TTN: variants seen among roughly 807,000 people sequenced by gnomAD.
TTN encodes the protein connectin.
Under a neutral mutation model 3,223.0 loss-of-function variants are expected in TTN, and 1,525 were observed. The ratio of observed to expected loss-of-function variants is 0.47; its 90% CI spans 0.45 to 0.49. The LOEUF (loss-of-function observed/expected upper bound fraction) is 0.49. TTN is among the 20% of genes least tolerant of loss of function. The pLI, the probability that TTN is intolerant of heterozygous loss-of-function variation, is 0.00. For missense variants in TTN, 40,786 were observed against 43,424.0 expected (o/e 0.94, Z 5.40); for synonymous variants, 14,094 against 15,161.0 (o/e 0.93, Z 5.17).
Position 178,609,486 on chromosome 2 carries a change from G to T in TTN, c.51824C>A (p.Pro17275His). 1.2e-6 allele frequency: 2 copies of T among 1,612,454 alleles called. No homozygotes were observed. The highest frequency in any genetic ancestry group is 1.7e-6 in the Non-Finnish European group (2 of 1,179,122). ...IALDASISGSPYPTITWIKDE... is the reference protein window; with the variant it reads ...IALDASISGSHYPTITWIKDE... ...CTTTATCCATGTAATAGTTGGGTAA[G>T]GTGATCCAGAAATACTTGCATCAAG... Residue 17275 changes from proline (P) to histidine (H), a missense_variant, in exon 273 of 363, where the codon CCT becomes CAT. Physicochemically the swap from Pro to His is moderately conservative, Grantham distance 77 (BLOSUM62 -2). Coordinates refer to ENST00000589042, the MANE Select transcript of TTN (RefSeq NM_001267550.2).
At chr2:178,733,185 G>C in intron 54 of TTN, 54 bp downstream of exon 54, 7 of 1,555,834 alleles carry the variant, frequency 4.5e-6, no homozygotes, top group Non-Finnish European at 6.1e-6. Flanking sequence ...TTGACTTTAG[G>C]CCATTTGTTG....
chr2:178,559,642 A>G lies in TTN; in HGVS notation c.86490T>C (p.Val28830=). The change falls in exon 326 of 363, where the codon GTT becomes GTC. Residue 28830 remains valine, a synonymous_variant. Transcript: ENST00000589042. Reference sequence around the variant, plus strand: ...CTAAGGTCAGTGAAGCAGCACTCAAAACATTCTGAATTGTTAATGTGTACT... The same window carrying G: ...CTAAGGTCAGTGAAGCAGCACTCAAGACATTCTGAATTGTTAATGTGTACT... The part of the protein sequence containing the change: ...SGKYTLTIQN[V]LSAASLTLVV... 2 of 1,613,738 alleles carry G rather than the reference A, an allele frequency of 1.2e-6. No individual in the cohort carries two copies. The highest frequency in any genetic ancestry group is 1.7e-6 in the Non-Finnish European group (2 of 1,179,766).
chr2:178,584,927 T>C lies in TTN; in HGVS notation c.64714A>G (p.Ile21572Val). 1.9e-6 allele frequency: 3 copies of C among 1,613,254 alleles called. No individual in the cohort carries two copies. The highest frequency in any genetic ancestry group is 2.5e-6 in the Non-Finnish European group (3 of 1,179,526). ...PPQPPFDISD[I>V]DADACSLSWH... ...GACAGGGAGCAAGCATCAGCGTCTA[T>C]ATCAGAAATGTCAAATGGAGGCTGA... is the stretch of plus-strand genomic sequence containing the variant. The change falls in exon 310 of 363, where the codon ATA (isoleucine) becomes GTA (valine). Residue 21572 changes from isoleucine to valine, a missense_variant. Physicochemically the swap from Ile to Val is conservative, Grantham distance 29. Coordinates refer to ENST00000589042, the MANE Select transcript of TTN (RefSeq NM_001267550.2).
At chr2:178,596,493 A>G (rs965784580) in intron 294 of TTN, among the ~76,000 whole-genome samples, 1 of 152,008 alleles carries the variant, frequency 6.6e-6, no homozygotes, top group East Asian at 1.9e-4. Flanking sequence ...TGCAGGGGAA[A>G]CGGAGAGAGA....
intron 77 of TTN, 62 bp from the exon 78 acceptor site, chr2:178,722,196 C>G (rs2078499689): frequency 8.5e-6 from 13 of 1,529,610 alleles, no homozygotes; most frequent in Non-Finnish European, 1.1e-5. Context: ...TTGGTCGTTT[C>G]TACTTTGACA....
Position 178,677,677 on chromosome 2 carries a change from A to G in TTN, c.34235T>C (p.Val11412Ala). 1 of 1,612,496 alleles carries G rather than the reference A, an allele frequency of 6.2e-7. No individual in the cohort carries two copies. Among genetic ancestry groups the G allele is most frequent in the East Asian group, 2.2e-5 (1 of 44,826 alleles). ...EEYVPEEEEF[V>A]PEEEVLPEVK... ...TTCTGGAAGGACTTCTTCTTCAGGT[A>G]CAAATTCTTCTTCCTCAGGTACATA... Residue 11412 changes from valine to alanine, a missense_variant, in exon 146 of 363, where the codon GTA becomes GCA. Physicochemically the swap from Val to Ala is moderately conservative, Grantham distance 64 (BLOSUM62 0). Transcript: ENST00000589042.
intron 218 of TTN, 90 bp from the exon 219 acceptor site, chr2:178,642,407 T>C (rs1051384595): frequency 9.2e-7 from 1 of 1,092,462 alleles, no homozygotes; most frequent in African/African-American, 1.6e-5. Flanking sequence ...ACTAGTTAAC[T>C]GTAGTGCATT....
rs1553714751 is a variant in TTN at position 178,620,058 on chromosome 2, C to T, written c.46359G>A (p.Arg15453=). Residue 15453 remains arginine (R), a synonymous_variant, in exon 249 of 363, where the codon AGG becomes AGA. Transcript: ENST00000589042. ...SIHRLIIKDC[R]LDDECEYACG... is the part of the protein sequence containing the mutation. ...AAGCATATTCACACTCATCATCCAG[C>T]CTGCAATCTTTTATAATGAGTCTGT... The T allele has an allele frequency of 2.5e-6, 4 of 1,611,948 alleles. No homozygotes were observed. Among genetic ancestry groups the T allele is most frequent in the Non-Finnish European group, 2.5e-6 (3 of 1,178,808 alleles).
At chr2:178,541,147 C>A (rs901934402) in intron 350 of TTN, 135 bp downstream of exon 350, 2 of 869,558 alleles carry the variant, frequency 2.3e-6, no homozygotes, top group Non-Finnish European at 3.2e-6. Context: ...TAAAAATATT[C>A]CACATTTTGA....
intron 69 of TTN, 89 bp from the exon 70 acceptor site, chr2:178,726,135 T>C: frequency 2.8e-6 from 4 of 1,430,902 alleles, no homozygotes; most frequent in Non-Finnish European, 3.7e-6. Context: ...GAAGAAAGGT[T>C]TAAGATATTC....
Position 178,720,016 on chromosome 2 carries a change from T to C in TTN, c.23626A>G (p.Met7876Val). 1.9e-6 allele frequency: 3 copies of C among 1,612,696 alleles called. No homozygotes were observed. The highest frequency in any genetic ancestry group is 2.5e-6 in the Non-Finnish European group (3 of 1,179,112). ...YICQIKNDAGMRECSAVLTVL... is the reference protein window; with the variant it reads ...YICQIKNDAGVRECSAVLTVL... ...GTCAAGACTGCAGAGCATTCTCTCA[T>C]TCCAGCATCGTTTTTGATTTGGCAT... is the stretch of plus-strand genomic sequence containing the variant. Residue 7876 changes from methionine to valine, a missense_variant, in exon 81 of 363, where the codon ATG becomes GTG. Coordinates refer to ENST00000589042, the MANE Select transcript of TTN (RefSeq NM_001267550.2).
At chr2:178,684,563 G>A in intron 131 of TTN, 103 bp downstream of exon 131, 1 of 1,372,414 alleles carries the variant, frequency 7.3e-7, no homozygotes, top group South Asian at 1.3e-5. Flanking sequence ...AGACACCATT[G>A]TCACCCACCA....
In TTN at chr2:178,715,564, C is replaced by T. The variant is rs1361559046; in HGVS notation, c.25850G>A (p.Ser8617Asn). ...GTGGGCCTCACAGGTGTAGTCTCCA[C>T]TGTCTTCAACACTGAGATTGTGCAT... is the stretch of plus-strand genomic sequence containing the variant. ...LEMHNLSVED[S>N]GDYTCEAHNA... The change falls in exon 89 of 363, where the codon AGT (serine) becomes AAT (asparagine). Residue 8617 changes from serine (S) to asparagine (N), a missense_variant. Physicochemically the swap from Ser to Asn is conservative, Grantham distance 46. Coordinates refer to ENST00000589042, the MANE Select transcript of TTN (RefSeq NM_001267550.2). 2.5e-6 allele frequency: 4 copies of T among 1,613,620 alleles called. No individual in the cohort carries two copies. Among genetic ancestry groups the T allele is most frequent in the East Asian group, 2.2e-5 (1 of 44,860 alleles).
At position 178,531,241 on chromosome 2, in the gene TTN, G is replaced by A. The variant is rs747161494; in HGVS notation, c.105374C>T (p.Thr35125Met). Reference sequence around the variant, plus strand: ...TGTTAGAATTCTTGCTGCCAAAGTCGTCTTGATCTTTCTGGTTGTGGATTT... The same window carrying A: ...TGTTAGAATTCTTGCTGCCAAAGTCATCTTGATCTTTCTGGTTGTGGATTT... Reference protein sequence around the residue: ...EEKSTTRKIKTTLAARILTKP... With the variant: ...EEKSTTRKIKMTLAARILTKP... Residue 35125 changes from threonine to methionine, a missense_variant, in exon 358 of 363, where the codon ACG (threonine) becomes ATG (methionine). By Grantham distance (81) the Thr-to-Met change is moderately conservative (BLOSUM62 -1). Coordinates refer to ENST00000589042, the MANE Select transcript of TTN (RefSeq NM_001267550.2). 191 of 1,613,972 alleles carry A rather than the reference G, an allele frequency of 1.2e-4. No individual in the cohort carries two copies. The highest frequency in any genetic ancestry group is 1.5e-4 in the Non-Finnish European group (181 of 1,179,876).
At position 178,546,798 on chromosome 2, in the gene TTN, C is replaced by G. The variant is rs1024530763; in HGVS notation, c.94630G>C (p.Glu31544Gln). Residue 31544 changes from glutamate (E) to glutamine (Q), a missense_variant, in exon 341 of 363, where the codon GAG becomes CAG. Physicochemically the swap from Glu to Gln is conservative, Grantham distance 29. Transcript: ENST00000589042. ...CCTACCTCACTGACTGGCTTACGCTCTATGATGTAGCCCACAACCTTGCTG... is the reference window on the plus strand; with the variant it reads ...CCTACCTCACTGACTGGCTTACGCTGTATGATGTAGCCCACAACCTTGCTG... ...GGSKVVGYII[E>Q]RKPVSEVGDG... 6.2e-7 allele frequency: 1 copy of G among 1,613,656 alleles called. No homozygotes were observed. Among genetic ancestry groups the G allele is most frequent in the Admixed American group, 1.7e-5 (1 of 59,998 alleles).
chr2:178,799,877 G>A lies in TTN; in HGVS notation c.617C>T (p.Thr206Ile), dbSNP rs768427369. Residue 206 changes from threonine (T) to isoleucine (I), a missense_variant, in exon 5 of 363, where the codon ACA (threonine) becomes ATA (isoleucine). Coordinates refer to ENST00000589042, the MANE Select transcript of TTN (RefSeq NM_001267550.2). ...TGAGATCTGAGCAGTCGAAACAATT[G>A]TCTTTGTCTTTTTAGCAGGTACTTC... ...EEEVPAKKTK[T>I]IVSTAQISES... 6.2e-7 allele frequency: 1 copy of A among 1,614,128 alleles called. No homozygotes were observed. The highest frequency in any genetic ancestry group is 1.1e-5 in the South Asian group (1 of 91,076).
chr2:178,753,175 C>G lies in TTN; in HGVS notation c.11260G>C (p.Glu3754Gln), dbSNP rs754505576. 1.2e-6 allele frequency: 2 copies of G among 1,608,126 alleles called. No homozygotes were observed. Among genetic ancestry groups the G allele is most frequent in the South Asian group, 2.2e-5 (2 of 90,496 alleles). ...TCAATCCTCTCATGCAAAATTGATT[C>G]AGGAGCTAAAATAGAAAAACATATA... ...SAVLSVEGAP[E>Q]SILHERIEQE... is the part of the protein sequence containing the mutation. Residue 3754 changes from glutamate (E) to glutamine (Q), a missense_variant, in exon 47 of 363, where the codon GAA (glutamate) becomes CAA (glutamine). Transcript: ENST00000589042.
chr2:178,553,961 C>T lies in TTN; in HGVS notation c.89150G>A (p.Gly29717Asp). Residue 29717 changes from glycine to aspartate, a missense_variant, in exon 333 of 363, where the codon GGT becomes GAT. Transcript: ENST00000589042. ...RVCAVNAAGQGPFSEPSEFYK... is the reference protein window; with the variant it reads ...RVCAVNAAGQDPFSEPSEFYK... Reference sequence around the variant, plus strand: ...GAATTCAGATGGTTCAGAAAATGGACCCTGTCCAGCAGCGTTTACAGCACA... The same window carrying T: ...GAATTCAGATGGTTCAGAAAATGGATCCTGTCCAGCAGCGTTTACAGCACA... 1 of 1,609,420 alleles carries T rather than the reference C, an allele frequency of 6.2e-7. No homozygotes were observed. The highest frequency in any genetic ancestry group is 1.1e-5 in the South Asian group (1 of 90,558).
In TTN at chr2:178,534,118, G is replaced by C; in HGVS notation, c.102497C>G (p.Thr34166Ser). 1 of 1,613,936 alleles carries C rather than the reference G, an allele frequency of 6.2e-7. No homozygotes were observed. The highest frequency in any genetic ancestry group is 1.1e-5 in the South Asian group (1 of 91,090). Residue 34166 changes from threonine to serine, a missense_variant, in exon 358 of 363, where the codon ACC becomes AGC. Physicochemically the swap from Thr to Ser is moderately conservative, Grantham distance 58. Coordinates refer to ENST00000589042, the MANE Select transcript of TTN (RefSeq NM_001267550.2). The part of the protein sequence containing the change: ...VCKIENYDQS[T>S]QVTWYFGVRQ... ...GACGCCAAAGTACCAAGTCACTTGG[G>C]TAGACTGATCATAATTTTCAATTTT...
Sources: allele counts gnomAD v4.1 joint callset (sites outside exome capture counted in the v4.1 genomes callset), GRCh38; gene constraint gnomAD v4.1.1; transcripts MANE v1.5; gene names NCBI Gene and HGNC (gene_info 2026-07-23, HGNC 2026-07-21).